Variants in C8orf34 observed in about 807,000 individuals in gnomAD.
The protein encoded by C8orf34 is chromosome 8 open reading frame 34, also known as uncharacterized protein C8orf34.
Under a neutral mutation model 68.3 loss-of-function variants are expected in C8orf34, and 65 were observed. The observed-to-expected ratio is 0.95, with a 90% confidence interval of 0.78 to 1.17. The LOEUF (loss-of-function observed/expected upper bound fraction) is 1.17, where lower values mean the gene tolerates loss of function less well. C8orf34 is among the 50% of genes most tolerant of loss of function. The pLI, the probability that C8orf34 is intolerant of heterozygous loss-of-function variation, is 0.00. For synonymous variants in C8orf34, 244 were observed against 241.2 expected, an observed-to-expected ratio of 1.01 and a Z score of -0.11; for missense variants, 664 against 655.4, an observed-to-expected ratio of 1.01 and a Z score of -0.14.
At chr8:68,553,409 A>ACAAAC in intron 7 of C8orf34, among the ~76,000 whole-genome samples, 1 of 151,204 alleles carries the variant, frequency 6.6e-6, no homozygotes, top group South Asian at 2.1e-4. Flanking sequence ...AAAAAAAAAA[A>ACAAAC]ACATATCCTC....
At chr8:68,650,367 A>G (rs1258012680) in intron 8 of C8orf34, among the ~76,000 whole-genome samples, 2 of 152,078 alleles carry the variant, frequency 1.3e-5, no homozygotes, top group Admixed American at 6.5e-5. Flanking sequence ...CAGAGGTTTT[A>G]TAAATGAGTT....
At chr8:68,687,994 G>A (rs1820571814) in intron 8 of C8orf34, among the ~76,000 whole-genome samples, 1 of 152,056 alleles carries the variant, frequency 6.6e-6, no homozygotes, top group Admixed American at 6.6e-5. Context: ...TTTCTCAAAA[G>A]AAGATACACA....
chr8:68,625,419 T>G, intron 7 of C8orf34: 7 of 516,938 alleles, frequency 1.4e-5, no homozygotes, highest in Non-Finnish European at 1.0e-5. Flanking sequence ...GAATGCTGCA[T>G]GAGATGTTAT....
chr8:68,628,423 C>T (rs963971946), intron 7 of C8orf34, among the ~76,000 whole-genome samples: 1 of 152,094 alleles, frequency 6.6e-6, no homozygotes, highest in Non-Finnish European at 1.5e-5. Flanking sequence ...ATGTTTCGTT[C>T]TCCTTTTTTT....
chr8:68,733,045 C>G (rs1273887234), intron 10 of C8orf34, among the ~76,000 whole-genome samples: 1 of 152,130 alleles, frequency 6.6e-6, no homozygotes, highest in Non-Finnish European at 1.5e-5. Flanking sequence ...GCCTGGGCAA[C>G]AGAGTGAGAC....
intron 3 of C8orf34, among the ~76,000 whole-genome samples, chr8:68,460,057 G>A (rs941100853): frequency 3.3e-5 from 5 of 152,120 alleles, no homozygotes; most frequent in East Asian, 1.9e-4. Flanking sequence ...GGTGACAGAC[G>A]GCACCTGGAA....
At chr8:68,539,071 A>C (rs1406542070) in intron 7 of C8orf34, among the ~76,000 whole-genome samples, 1 of 152,214 alleles carries the variant, frequency 6.6e-6, no homozygotes. Flanking sequence ...TATAAATATG[A>C]AAATGTTTGA....
chr8:68,691,257 C>A (rs941713026), intron 8 of C8orf34, among the ~76,000 whole-genome samples: 2 of 151,988 alleles, frequency 1.3e-5, no homozygotes, highest in Admixed American at 6.6e-5. Context: ...TGCCATTTTT[C>A]CAACAGCATG....
intron 1 of C8orf34, among the ~76,000 whole-genome samples, chr8:68,358,428 A>G (rs1278369539): frequency 6.6e-6 from 1 of 151,498 alleles, no homozygotes; most frequent in East Asian, 2.0e-4. Flanking sequence ...TTAAATATAT[A>G]CTAGATAGAC....
At chr8:68,733,429 C>T (rs1822038921) in intron 10 of C8orf34, among the ~76,000 whole-genome samples, 1 of 152,156 alleles carries the variant, frequency 6.6e-6, no homozygotes, top group Non-Finnish European at 1.5e-5. Context: ...CCTCCATTAA[C>T]ATATGTTATT....
intron 12 of C8orf34, among the ~76,000 whole-genome samples, chr8:68,788,857 A>G (rs1318378176): frequency 1.4e-5 from 2 of 144,968 alleles, no homozygotes; most frequent in African/African-American, 2.5e-5. Context: ...GACTCCGTCT[A>G]AAAAAAAAAA....
At chr8:68,784,784 CATT>C (rs1423599077) in intron 11 of C8orf34, among the ~76,000 whole-genome samples, 1 of 128,748 alleles carries the variant, frequency 7.8e-6, no homozygotes, top group Non-Finnish European at 1.6e-5. Flanking sequence ...ATACTTCCAT[CATT>C]GTGTATGTGT....
At chr8:68,353,625 A>ATT (rs1806615561) in intron 1 of C8orf34, among the ~76,000 whole-genome samples, 1 of 122,740 alleles carries the variant, frequency 8.1e-6, no homozygotes, top group East Asian at 2.2e-4. Flanking sequence ...TATACAGTTG[A>ATT]TTATATATAT....
intron 8 of C8orf34, among the ~76,000 whole-genome samples, chr8:68,678,245 C>A (rs939587844): frequency 3.3e-5 from 5 of 152,122 alleles, no homozygotes; most frequent in Non-Finnish European, 5.9e-5. Context: ...CCAAATCAGA[C>A]AAAGACACAT....
chr8:68,686,493 T>A (rs1820523099), intron 8 of C8orf34, among the ~76,000 whole-genome samples: 1 of 152,066 alleles, frequency 6.6e-6, no homozygotes, highest in Non-Finnish European at 1.5e-5. Context: ...AGTCAATAAA[T>A]GTGACACATT....
rs1586031358 is a variant in C8orf34 at position 68,385,964 on chromosome 8, G to A, written c.328-53535G>A. On this transcript the variant is annotated intron_variant, in intron 1 of 13. Transcript: ENST00000518698. ...GCCCAGACTGGAGTGTAGTGGCGTGGTAATAGCTCTTTGTGGTCTCAACCT... is the reference window on the plus strand; with the variant it reads ...GCCCAGACTGGAGTGTAGTGGCGTGATAATAGCTCTTTGTGGTCTCAACCT... 2.0e-5 allele frequency among the ~76,000 whole-genome samples: 3 copies of A among 152,122 alleles called. No homozygotes were observed. In the South Asian group the frequency reaches 6.2e-4, roughly 32 times the overall value.
At chr8:68,369,074 A>AT (rs1276886273) in intron 1 of C8orf34, among the ~76,000 whole-genome samples, 2 of 152,284 alleles carry the variant, frequency 1.3e-5, no homozygotes, top group East Asian at 1.9e-4. Context: ...GTTATTCATT[A>AT]TTTTCAATTC....
intron 2 of C8orf34, among the ~76,000 whole-genome samples, chr8:68,442,045 G>C (rs1351536756): frequency 6.6e-6 from 1 of 152,164 alleles, no homozygotes; most frequent in African/African-American, 2.4e-5. Context: ...ATAATAATAA[G>C]AGTGAAAGAA....
chr8:68,542,836 A>T (rs1051040569), intron 7 of C8orf34, among the ~76,000 whole-genome samples: 2 of 152,184 alleles, frequency 1.3e-5, no homozygotes, highest in Non-Finnish European at 2.9e-5. Flanking sequence ...TTATTTGCTC[A>T]TGGAGCTATT....
Sources: allele counts gnomAD v4.1 joint callset (sites outside exome capture counted in the v4.1 genomes callset), GRCh38; gene constraint gnomAD v4.1.1; transcripts MANE v1.5; gene names NCBI Gene and HGNC (gene_info 2026-07-23, HGNC 2026-07-21).